The following GRIK2 variants were observed in gnomAD, a reference collection of about 807,000 sequenced individuals.
The protein encoded by GRIK2 is glutamate receptor ionotropic, kainate 2.
A neutral mutation model predicts 100.3 loss-of-function variants in GRIK2; 32 were observed. The ratio of observed to expected loss-of-function variants is 0.32; its 90% CI spans 0.24 to 0.43. The LOEUF (loss-of-function observed/expected upper bound fraction) is 0.43. GRIK2 is among the 20% of genes least tolerant of loss of function. The probability of loss-of-function intolerance (pLI) is 1.00; values close to 1 mark genes in which losing one functional copy is unlikely to be tolerated. For synonymous variants in GRIK2, 417 were observed against 389.4 expected (o/e 1.07, Z -0.83); for missense variants, 843 against 1,114.9 (o/e 0.76, Z 3.47).
chr6:101,768,353 C>T (rs1012878065), intron 7 of GRIK2, among the ~76,000 whole-genome samples: 2 of 152,086 alleles, frequency 1.3e-5, no homozygotes, highest in Non-Finnish European at 2.9e-5. Flanking sequence ...TACAATGTCC[C>T]AACTGGTGTT....
At chr6:101,621,540 A>G (rs1780160247) in intron 2 of GRIK2, among the ~76,000 whole-genome samples, 1 of 152,202 alleles carries the variant, frequency 6.6e-6, no homozygotes, top group African/African-American at 2.4e-5. Context: ...TTTATAGTAT[A>G]TATCAATGAA....
At chr6:101,542,830 A>G (rs1776066548) in intron 2 of GRIK2, among the ~76,000 whole-genome samples, 1 of 152,100 alleles carries the variant, frequency 6.6e-6, no homozygotes, top group African/African-American at 2.4e-5. Context: ...AGAATGCTAC[A>G]CCAATAATTA....
chr6:101,852,637 A>G (rs1444400439), intron 10 of GRIK2, among the ~76,000 whole-genome samples: 1 of 152,192 alleles, frequency 6.6e-6, no homozygotes, highest in Non-Finnish European at 1.5e-5. Flanking sequence ...AGGCTTACAT[A>G]TAAATCATCA....
chr6:101,404,091 T>C (rs776185279), intron 2 of GRIK2, among the ~76,000 whole-genome samples: 1 of 152,238 alleles, frequency 6.6e-6, no homozygotes, highest in Non-Finnish European at 1.5e-5. Context: ...TTTCTGGCTT[T>C]GTGAGATTGT....
chr6:101,663,641 G>A (rs1769800570), intron 4 of GRIK2, among the ~76,000 whole-genome samples: 1 of 152,192 alleles, frequency 6.6e-6, no homozygotes, highest in African/African-American at 2.4e-5. Flanking sequence ...TGAAAAATAA[G>A]AGTGACTGAT....
At chr6:101,955,576 TTCTCTCTCTCTCTCTCTCTCTCTCTC>T (rs60603807) in intron 14 of GRIK2, among the ~76,000 whole-genome samples, 2 of 116,288 alleles carry the variant, frequency 1.7e-5, no homozygotes, top group South Asian at 5.6e-4. Flanking sequence ...GAGCAAGGCC[TTCTCTCTCTCTCTCTCTCTCTCTCTC>T]TCTCTCTCTC....
chr6:101,912,046 GCACACA>G (rs571177027), intron 12 of GRIK2, among the ~76,000 whole-genome samples: 11,752 of 62,870 alleles, frequency 0.19, 637 homozygotes, highest in Middle Eastern at 0.36. Flanking sequence ...CAGGGGCAAC[GCACACA>G]CACACACACA....
chr6:101,960,467 T>G (rs1387313171), intron 14 of GRIK2, among the ~76,000 whole-genome samples: 3 of 152,184 alleles, frequency 2.0e-5, no homozygotes, highest in Non-Finnish European at 4.4e-5. Context: ...TTGTCATTTA[T>G]TTTTTAATTT....
intron 4 of GRIK2, among the ~76,000 whole-genome samples, chr6:101,644,472 T>G (rs1218274261): frequency 6.6e-6 from 1 of 151,680 alleles, no homozygotes; most frequent in African/African-American, 2.4e-5. Context: ...CTGGCAAGAC[T>G]GAAAATCAGA....
intron 7 of GRIK2, among the ~76,000 whole-genome samples, chr6:101,699,012 AG>A (rs1772690895): frequency 1.3e-5 from 2 of 152,150 alleles, no homozygotes; most frequent in Non-Finnish European, 2.9e-5. Context: ...AAAGAAACTC[AG>A]AAACTTGATC....
chr6:101,495,022 G>C (rs1002737886), intron 2 of GRIK2, among the ~76,000 whole-genome samples: 1 of 121,090 alleles, frequency 8.3e-6, no homozygotes, highest in Non-Finnish European at 1.7e-5. Context: ...ATAATCTCTT[G>C]ATTAGAGATT....
At chr6:102,062,630 G>A (rs1172774937) in intron 16 of GRIK2, among the ~76,000 whole-genome samples, 5 of 150,250 alleles carry the variant, frequency 3.3e-5, no homozygotes, top group Non-Finnish European at 7.5e-5. Context: ...CAAGAACAAG[G>A]TTGTATATAT....
chr6:101,898,246 TGAA>T (rs1467681484), intron 12 of GRIK2, among the ~76,000 whole-genome samples: 3 of 151,824 alleles, frequency 2.0e-5, no homozygotes, highest in Admixed American at 1.3e-4. Context: ...TAACTTATTA[TGAA>T]GAAGAATGTG....
At chr6:101,476,004 A>C (rs1772209094) in intron 2 of GRIK2, among the ~76,000 whole-genome samples, 1 of 152,106 alleles carries the variant, frequency 6.6e-6, no homozygotes, top group African/African-American at 2.4e-5. Context: ...ATTTTGTGGA[A>C]GGACAAAATG....
At chr6:101,896,915 G>A (rs1246844129) in intron 12 of GRIK2, among the ~76,000 whole-genome samples, 2 of 151,144 alleles carry the variant, frequency 1.3e-5, no homozygotes, top group Non-Finnish European at 3.0e-5. Flanking sequence ...GAAGTACAAC[G>A]CTTATTAAAT....
intron 1 of GRIK2, among the ~76,000 whole-genome samples, chr6:101,398,509 A>G (rs1323583901): frequency 1.3e-5 from 2 of 152,194 alleles, no homozygotes; most frequent in East Asian, 1.9e-4. Context: ...TCTAACCACA[A>G]GTTAGATTTG....
At chr6:101,700,204 T>A (rs1431532267) in intron 7 of GRIK2, among the ~76,000 whole-genome samples, 1 of 151,870 alleles carries the variant, frequency 6.6e-6, no homozygotes, top group Non-Finnish European at 1.5e-5. Flanking sequence ...GATATTTCTA[T>A]CTTTTCACAT....
At chr6:101,610,015 T>C (rs1434694745) in intron 2 of GRIK2, among the ~76,000 whole-genome samples, 1 of 151,660 alleles carries the variant, frequency 6.6e-6, no homozygotes, top group Non-Finnish European at 1.5e-5. Context: ...CCAAAAGTAA[T>C]TTTAAGAATT....
At chr6:102,002,533 A>G (rs1216262199) in intron 14 of GRIK2, among the ~76,000 whole-genome samples, 1 of 150,044 alleles carries the variant, frequency 6.7e-6, no homozygotes, top group Non-Finnish European at 1.5e-5. Context: ...TTAATGAGTC[A>G]CTGAGAACAT....
Sources: allele counts gnomAD v4.1 joint callset (sites outside exome capture counted in the v4.1 genomes callset), GRCh38; gene constraint gnomAD v4.1.1; transcripts MANE v1.5; gene names NCBI Gene and HGNC (gene_info 2026-07-23, HGNC 2026-07-21).